NBEAL2: variants seen among roughly 807,000 people sequenced by gnomAD.
The protein encoded by NBEAL2 is neurobeachin-like protein 2.
NBEAL2 carries 160 observed loss-of-function variants against 299.8 expected under a neutral mutation model. The observed-to-expected ratio is 0.53, with a 90% CI of 0.47 to 0.61. NBEAL2 has a LOEUF of 0.61. NBEAL2 is among the 20% of genes least tolerant of loss of function. NBEAL2 has a pLI of 0.00. For missense variants in NBEAL2, 3,112 were observed against 3,649.0 expected (o/e 0.85, Z 3.79); for synonymous variants, 1,493 against 1,542.3 (o/e 0.97, Z 0.75).
chr3:46,989,238 C>T lies in NBEAL2; in HGVS notation c.352-22C>T, dbSNP rs1185713297. The T allele has an allele frequency of 1.9e-6, 3 of 1,612,040 alleles. No individual in the cohort carries two copies. Among genetic ancestry groups the T allele is most frequent in the South Asian group, 2.2e-5 (2 of 90,778 alleles). ...CAGGCGGTAGCCATGGCGGGGCTAACCCTCTCTCCCCACACCTACAGCTGA... is the reference window on the plus strand; with the variant it reads ...CAGGCGGTAGCCATGGCGGGGCTAATCCTCTCTCCCCACACCTACAGCTGA... On this transcript the variant is annotated intron_variant, in intron 4 of 53. Coordinates refer to ENST00000450053, the MANE Select transcript of NBEAL2 (RefSeq NM_015175.3). This position sits in a 1 kb window ranked among gnomAD's most constrained non-coding sequence, Gnocchi z 5.5.
At chr3:47,007,042 C>T in intron 45 of NBEAL2, 24 bp from the exon 46 acceptor site, 1 of 1,586,358 alleles carries the variant, frequency 6.3e-7, no homozygotes, top group Non-Finnish European at 8.6e-7. Context: ...TCAGGCATAG[C>T]TAGGCCTGCC....
In NBEAL2 at chr3:47,002,640, C is replaced by A; in HGVS notation, c.5302-5C>A. 6.2e-7 allele frequency: 1 copy of A among 1,608,880 alleles called. No homozygotes were observed. The highest frequency in any genetic ancestry group is 8.5e-7 in the Non-Finnish European group (1 of 1,178,602). On this transcript the variant is annotated splice_polypyrimidine_tract_variant and splice_region_variant and intron_variant, in intron 32 of 53. Coordinates refer to ENST00000450053, the MANE Select transcript of NBEAL2 (RefSeq NM_015175.3). ...CAGGGGACTGACCTATTACCCCCAC[C>A]CCAGGAGCTGGTGCTGGAACCTGCG... is the stretch of plus-strand genomic sequence containing the variant.
chr3:47,005,246 A>G lies in NBEAL2; in HGVS notation c.6485A>G (p.Asn2162Ser), dbSNP rs754437804. 34 of 1,613,522 alleles carry G rather than the reference A, an allele frequency of 2.1e-5. No individual in the cohort carries two copies. Among genetic ancestry groups the G allele is most frequent in the Admixed American group, 1.3e-4 (8 of 60,026 alleles). Residue 2162 changes from asparagine to serine, a missense_variant, in exon 40 of 54, where the codon AAT (asparagine) becomes AGT (serine). Physicochemically the swap from Asn to Ser is conservative, Grantham distance 46 (BLOSUM62 1). Transcript: ENST00000450053. ...TTCCACTATGGCACCCACTACTCCA[A>G]TGCAGCAGGCGTGATGCACTACCTC... ...DKFHYGTHYS[N>S]AAGVMHYLIR...
intron 11 of NBEAL2, 61 bp downstream of exon 11, chr3:46,994,081 C>T (rs2036297899): frequency 1.3e-6 from 2 of 1,497,182 alleles, no homozygotes; most frequent in East Asian, 2.4e-5. Context: ...TGACCATATC[C>T]CCAGAACAGG....
chr3:46,984,284 C>T (rs900506163), intron 1 of NBEAL2, among the ~76,000 whole-genome samples: 1 of 152,002 alleles, frequency 6.6e-6, no homozygotes, highest in Non-Finnish European at 1.5e-5. Context: ...CCAGCCTGGG[C>T]CGGCGACAGA....
chr3:46,996,685 G>C, intron 16 of NBEAL2, 66 bp from the exon 17 acceptor site: 1 of 1,566,996 alleles, frequency 6.4e-7, no homozygotes, highest in Non-Finnish European at 8.7e-7. Context: ...CCTGTGGTCA[G>C]GCAGTCTCTG....
Position 47,009,471 on chromosome 3 carries a change from A to G in NBEAL2, c.*151A>G. The G allele has an allele frequency of 1.3e-6, 1 of 754,574 alleles. No homozygotes were observed. The highest frequency in any genetic ancestry group is 2.2e-6 in the Non-Finnish European group (1 of 462,630). The allele number at this position is 754,574 out of a possible 1,614,324, so 46.7% of individuals were successfully genotyped here. ...AGCTCAGGGATTGGCGGGCGATGTT[A>G]CCCCCTCAGGGATTGGCGGGCGGAA... On this transcript the variant is annotated 3_prime_UTR_variant, in exon 54 of 54. Transcript: ENST00000450053.
chr3:46,992,623 T>C (rs2036191812), intron 10 of NBEAL2, 68 bp downstream of exon 10: 1 of 1,409,802 alleles, frequency 7.1e-7, no homozygotes, highest in Non-Finnish European at 9.8e-7. Flanking sequence ...TCCTGCACTA[T>C]AGCTGGGGAA....
intron 1 of NBEAL2, among the ~76,000 whole-genome samples, chr3:46,984,429 C>G (rs2035562879): frequency 6.6e-6 from 1 of 152,230 alleles, no homozygotes; most frequent in African/African-American, 2.4e-5. Context: ...GTGGGAGAGA[C>G]TGGCCCAGCC....
At chr3:47,008,802 T>TCCCAGGGCAAGACCTC in intron 52 of NBEAL2, 134 bp downstream of exon 52, 1 of 1,458,528 alleles carries the variant, frequency 6.9e-7, no homozygotes, top group Non-Finnish European at 9.3e-7. Flanking sequence ...CCCTTCATCT[T>TCCCAGGGCAAGACCTC]CCCATGGGGA....
Position 47,001,929 on chromosome 3 carries a change from C to G in NBEAL2, c.4792C>G (p.Gln1598Glu), listed in dbSNP as rs761515001. The G allele has an allele frequency of 2.4e-5, 38 of 1,603,870 alleles. No homozygotes were observed. The South Asian group carries it at 3.5e-4, about 15-fold the overall frequency. Reference sequence around the variant, plus strand: ...TCTCTTGCGCCCACAGCTGCATGCCCAGGCCTACGTGAGATTGCACATGCT... The same window carrying G: ...TCTCTTGCGCCCACAGCTGCATGCCGAGGCCTACGTGAGATTGCACATGCT... ...ILLEDPQLHAQAYVRLHMLLQ... is the reference protein window; with the variant it reads ...ILLEDPQLHAEAYVRLHMLLQ... Residue 1598 changes from glutamine to glutamate, a missense_variant, in exon 31 of 54, where the codon CAG becomes GAG. Around this residue, in one of 3 missense-constraint regions of NBEAL2, gnomAD observed 2,243 missense variants for 2,538.1 expected, o/e 0.88. Coordinates refer to ENST00000450053, the MANE Select transcript of NBEAL2 (RefSeq NM_015175.3). The surrounding 1 kb of genome is among the most constrained non-coding windows in gnomAD (Gnocchi z 6.1).
chr3:46,998,864 A>T lies in NBEAL2; in HGVS notation c.3369A>T (p.Thr1123=). The change falls in exon 23 of 54, where the codon ACA becomes ACT. Residue 1123 remains threonine, a synonymous_variant. Transcript: ENST00000450053. ...TQTMLSFLAA[T]GDDGQAVGAL... ...CCATGCTGAGCTTTTTGGCGGCCAC[A>T]GGCGATGACGGTCAGGTAGGCTGGA... 1 of 1,589,790 alleles carries T rather than the reference A, an allele frequency of 6.3e-7. No individual in the cohort carries two copies. Among genetic ancestry groups the T allele is most frequent in the Non-Finnish European group, 8.6e-7 (1 of 1,168,470 alleles).
chr3:47,002,729 C>A lies in NBEAL2; in HGVS notation c.5386C>A (p.His1796Asn), dbSNP rs766551100. ...TAVLKQQATQ[H>N]SMALLHWGAL... ...AGTGCTGAAGCAGCAGGCAACGCAG[C>A]ACTCCATGGCCCTGCTGCACTGGGG... Residue 1796 changes from histidine (H) to asparagine (N), a missense_variant, in exon 33 of 54, where the codon CAC (histidine) becomes AAC (asparagine). By Grantham distance (68) the His-to-Asn change is moderately conservative. This residue lies in a region of NBEAL2 where 2,243 missense variants were observed against 2,538.1 expected (regional missense o/e 0.88). Coordinates refer to ENST00000450053, the MANE Select transcript of NBEAL2 (RefSeq NM_015175.3). 2 of 1,590,896 alleles carry A rather than the reference C, an allele frequency of 1.3e-6. No individual in the cohort carries two copies. The highest frequency in any genetic ancestry group is 1.7e-6 in the Non-Finnish European group (2 of 1,172,036).
Position 47,009,528 on chromosome 3 carries a change from T to G in NBEAL2, c.*208T>G, listed in dbSNP as rs2037745740. 1.7e-6 allele frequency: 1 copy of G among 588,700 alleles called. No homozygotes were observed. Among genetic ancestry groups the G allele is most frequent in the Non-Finnish European group, 3.0e-6 (1 of 334,582 alleles). 36.5% of individuals were successfully genotyped at this position (588,700 alleles called of 1,614,324 possible). The stretch of plus-strand genomic sequence containing the variant: ...CCCCTCGCCGGCTGAGGGGCCGCCC[T>G]GAGGGCCAGCACTGGCGTCTGCGGC... On this transcript the variant is annotated 3_prime_UTR_variant, in exon 54 of 54. Transcript: ENST00000450053.
Position 46,997,451 on chromosome 3 carries a change from C to T in NBEAL2, c.2824+18C>T. 1 of 1,605,158 alleles carries T rather than the reference C, an allele frequency of 6.2e-7. No individual in the cohort carries two copies. Among genetic ancestry groups the T allele is most frequent in the Non-Finnish European group, 8.5e-7 (1 of 1,173,612 alleles). On this transcript the variant is annotated intron_variant, in intron 19 of 53. Coordinates refer to ENST00000450053, the MANE Select transcript of NBEAL2 (RefSeq NM_015175.3). Reference sequence around the variant, plus strand: ...ATCTTCAGGTAAGTGTTCCTGGTGCCTATGTTGTGGAGAGGGAATCTTGGC... The same window carrying T: ...ATCTTCAGGTAAGTGTTCCTGGTGCTTATGTTGTGGAGAGGGAATCTTGGC...
In NBEAL2 at chr3:47,005,904, G is replaced by T. The variant is rs770987647; in HGVS notation, c.6802-42G>T. 3.1e-6 allele frequency: 5 copies of T among 1,611,978 alleles called. No individual in the cohort carries two copies. The Admixed American group carries it at 5.0e-5, about 16-fold the overall frequency. The stretch of plus-strand genomic sequence containing the variant: ...AGCCGGGGTTCTGAAGATCATGGGG[G>T]GTCAGCTGTCCCTGCACTGATTGCT... On this transcript the variant is annotated intron_variant, in intron 42 of 53. Coordinates refer to ENST00000450053, the MANE Select transcript of NBEAL2 (RefSeq NM_015175.3).
At chr3:47,008,800 C>A in intron 52 of NBEAL2, 132 bp downstream of exon 52, 65 of 1,462,636 alleles carry the variant, frequency 4.4e-5, no homozygotes, top group Non-Finnish European at 5.8e-5. Context: ...GTCCCTTCAT[C>A]TTCCCATGGG....
rs763804437 is a variant in NBEAL2, at chr3:46,995,532, A to G, written c.1797A>G (p.Pro599=). The part of the protein sequence containing the change: ...GIMVPPVQRW[P]GPGFTFHAWL... ...TGGTACCCCCTGTACAGCGATGGCC[A>G]GGGCCTGGCTTCACCTTTCATGCCT... The change falls in exon 13 of 54, where the codon CCA becomes CCG. Residue 599 remains proline, a synonymous_variant. Coordinates refer to ENST00000450053, the MANE Select transcript of NBEAL2 (RefSeq NM_015175.3). 17 of 1,612,748 alleles carry G rather than the reference A, an allele frequency of 1.1e-5. No individual in the cohort carries two copies. Among genetic ancestry groups the G allele is most frequent in the Non-Finnish European group, 1.4e-5 (17 of 1,179,892 alleles).
At chr3:46,980,909 T>C (rs2035285555) in intron 1 of NBEAL2, among the ~76,000 whole-genome samples, 1 of 152,182 alleles carries the variant, frequency 6.6e-6, no homozygotes, top group South Asian at 2.1e-4. Context: ...GACCATTGTG[T>C]GCCCTGAACA....
Sources: allele counts gnomAD v4.1 joint callset (sites outside exome capture counted in the v4.1 genomes callset), GRCh38; gene constraint gnomAD v4.1.1; regional missense constraint gnomAD v4.1.1; non-coding constraint Gnocchi (gnomAD v3.1); transcripts MANE v1.5; gene names NCBI Gene and HGNC (gene_info 2026-07-23, HGNC 2026-07-21).